STARD13: variants seen among roughly 807,000 people sequenced by gnomAD.
STARD13 encodes StAR related lipid transfer domain containing 13.
A neutral mutation model predicts 106.4 loss-of-function variants in STARD13; 62 were observed. The ratio of observed to expected loss-of-function variants is 0.58; its 90% CI spans 0.48 to 0.72. STARD13 has a LOEUF of 0.72. STARD13 is among the 30% of genes least tolerant of loss of function. The probability of loss-of-function intolerance (pLI) is 0.00; values close to 1 mark genes in which losing one functional copy is unlikely to be tolerated. For missense variants in STARD13, 1,387 were observed against 1,424.0 expected, an observed-to-expected ratio of 0.97 and a Z score of 0.42; for synonymous variants, 565 against 553.0, an observed-to-expected ratio of 1.02 and a Z score of -0.31.
the STARD13 span, among the ~76,000 whole-genome samples, chr13:33,457,290 GC>G: frequency 3.3e-5 from 5 of 152,140 alleles, no homozygotes; most frequent in Non-Finnish European, 7.4e-5. Context: ...TTGTTTGATG[GC>G]TCCCACTGTC....
the STARD13 span, among the ~76,000 whole-genome samples, chr13:33,381,879 G>C: frequency 6.6e-6 from 1 of 152,012 alleles, no homozygotes; most frequent in African/African-American, 2.4e-5. Flanking sequence ...CCTCGATATG[G>C]TTTTGCATAA....
intron 1 of STARD13, among the ~76,000 whole-genome samples, chr13:33,260,466 G>A (rs982907143): frequency 1.3e-5 from 2 of 152,140 alleles, no homozygotes; most frequent in African/African-American, 2.4e-5. Context: ...TACGGGGGAG[G>A]TCATCAAATC....
At chr13:33,235,469 A>G (rs968939086) in intron 1 of STARD13, among the ~76,000 whole-genome samples, 2 of 152,248 alleles carry the variant, frequency 1.3e-5, no homozygotes, top group African/African-American at 4.8e-5. Context: ...GTTATTATTA[A>G]TGAAATAAAA....
chr13:33,508,476 T>C, the STARD13 span, among the ~76,000 whole-genome samples: 1 of 152,320 alleles, frequency 6.6e-6, no homozygotes, highest in South Asian at 2.1e-4. Context: ...AATTGCATCT[T>C]TGGCCTTTCT....
intron 1 of STARD13, among the ~76,000 whole-genome samples, chr13:33,236,037 C>A (rs2138228529): frequency 6.6e-6 from 1 of 152,312 alleles, no homozygotes; most frequent in African/African-American, 2.4e-5. Flanking sequence ...ATATCTTGCT[C>A]TCTTAAAGCT....
intron 7 of STARD13, among the ~76,000 whole-genome samples, chr13:33,123,064 A>AAAAAAAAAAAC (rs1876601304): frequency 6.7e-6 from 1 of 149,858 alleles, no homozygotes; most frequent in Non-Finnish European, 1.5e-5. Flanking sequence ...TCAAAAAAAA[A>AAAAAAAAAAAC]AAAAAAAAAA....
At chr13:33,642,106 A>T in the STARD13 span, among the ~76,000 whole-genome samples, 1 of 152,342 alleles carries the variant, frequency 6.6e-6, no homozygotes, top group South Asian at 2.1e-4. Flanking sequence ...GTATTGATAC[A>T]GAGTACTGGC....
rs181005447 is a variant in STARD13, at chr13:33,321,140, C to A, written c.124+29150G>T. Among the ~76,000 whole-genome samples, 157 of 152,254 alleles carry A rather than the reference C, an allele frequency of 1.0e-3. 1 individual carries two copies. Among genetic ancestry groups the A allele is most frequent in the Non-Finnish European group, 2.0e-3 (137 of 68,014 alleles). The stretch of plus-strand genomic sequence containing the variant: ...ATTTCTGAGACAGATTTGTCGCCCC[C>A]TTTGTTCTTTTGTAGACAGCATTCC... On this transcript the variant is annotated intron_variant, in intron 1 of 5. Transcript: ENST00000567873.
the STARD13 span, among the ~76,000 whole-genome samples, chr13:33,417,639 T>C: frequency 2.0e-5 from 3 of 152,016 alleles, no homozygotes; most frequent in Non-Finnish European, 4.4e-5. Flanking sequence ...GCCTTGAAAA[T>C]GTTATGCTGA....
At chr13:33,672,399 C>A in the STARD13 span, among the ~76,000 whole-genome samples, 1 of 152,126 alleles carries the variant, frequency 6.6e-6, no homozygotes, top group Non-Finnish European at 1.5e-5. Context: ...AGCATTAGGA[C>A]AAACACCTAA....
chr13:33,383,719 T>C, the STARD13 span: 1 of 127,178 alleles, frequency 7.9e-6, no homozygotes, highest in Admixed American at 1.0e-4. Context: ...ATTGTGCCAT[T>C]ACACTCCAGT....
At chr13:33,597,892 C>T in the STARD13 span, among the ~76,000 whole-genome samples, 1 of 151,768 alleles carries the variant, frequency 6.6e-6, no homozygotes, top group African/African-American at 2.4e-5. Flanking sequence ...CTTCAAGACA[C>T]TCAACATCTA....
chr13:33,371,131 C>A, the STARD13 span, among the ~76,000 whole-genome samples: 3 of 152,206 alleles, frequency 2.0e-5, no homozygotes, highest in East Asian at 5.8e-4. Context: ...CTTCTACCAT[C>A]TGAGCAAAGA....
At chr13:33,348,266 T>C (rs377390433), downstream of STARD13, among the ~76,000 whole-genome samples, 21 of 152,378 alleles carry the variant, frequency 1.4e-4, no homozygotes, top group African/African-American at 4.8e-4. Context: ...CACTTTTAGC[T>C]TTCTATATAT....
intron 1 of STARD13, among the ~76,000 whole-genome samples, chr13:33,234,989 C>T (rs1244017220): frequency 6.6e-6 from 1 of 152,148 alleles, no homozygotes; most frequent in East Asian, 1.9e-4. Flanking sequence ...TGTATTATCA[C>T]AGAAAATGTA....
At chr13:33,396,676 CA>C in the STARD13 span, among the ~76,000 whole-genome samples, 1 of 152,038 alleles carries the variant, frequency 6.6e-6, no homozygotes, top group African/African-American at 2.4e-5. Context: ...GAAAAACAAA[CA>C]AAAGGGGATA....
intron 1 of STARD13, among the ~76,000 whole-genome samples, chr13:33,323,837 T>C (rs1383171745): frequency 6.6e-6 from 1 of 152,220 alleles, no homozygotes; most frequent in Non-Finnish European, 1.5e-5. Context: ...CTAATTTCTA[T>C]TCTGGTGTTA....
chr13:33,297,147 A>T (rs1418359433), intron 1 of STARD13, among the ~76,000 whole-genome samples: 2 of 152,262 alleles, frequency 1.3e-5, no homozygotes, highest in Non-Finnish European at 2.9e-5. Flanking sequence ...CGTGATGCTT[A>T]TCACAGCACG....
chr13:33,670,229 G>A, the STARD13 span, among the ~76,000 whole-genome samples: 24 of 152,288 alleles, frequency 1.6e-4, no homozygotes, highest in African/African-American at 5.5e-4. Context: ...CTTCCTCTGT[G>A]TTTCTAATAA....
Sources: gnomAD v4.1 joint callset for allele counts (sites outside exome capture counted in the v4.1 genomes callset) on GRCh38, gnomAD v4.1.1 for gene constraint, MANE v1.5 for transcripts, NCBI Gene and HGNC (gene_info 2026-07-23, HGNC 2026-07-21) for gene names.